CNTNAP2: variants seen among roughly 807,000 people sequenced by gnomAD.
The protein encoded by CNTNAP2 is contactin associated protein 2.
Under a neutral mutation model 155.2 loss-of-function variants are expected in CNTNAP2, and 98 were observed. The ratio of observed to expected loss-of-function variants is 0.63; its 90% confidence interval spans 0.54 to 0.75. CNTNAP2 has a LOEUF of 0.75. Among genes scored for constraint, CNTNAP2 ranks in the 30% least tolerant of loss-of-function variants. The pLI, the probability that CNTNAP2 is intolerant of heterozygous loss-of-function variation, is 0.00. For synonymous variants in CNTNAP2, 651 were observed against 631.2 expected, an observed-to-expected ratio of 1.03 and a Z score of -0.47; for missense variants, 1,727 against 1,688.1, an observed-to-expected ratio of 1.02 and a Z score of -0.40.
At position 147,585,500 on chromosome 7, in the gene CNTNAP2, C is replaced by T. The variant is rs1023310164; in HGVS notation, c.1897+23243C>T. ...ATTATCTCATTATAGATATATAGAT[C>T]TATTAATATATAGATAGATGATATA... is the stretch of plus-strand genomic sequence containing the variant. On this transcript the variant is annotated intron_variant, in intron 12 of 23. Transcript: ENST00000361727. Among the ~76,000 whole-genome samples, 5 of 149,026 alleles carry T rather than the reference C, an allele frequency of 3.4e-5. No individual in the cohort carries two copies. In the South Asian group the frequency reaches 8.4e-4, roughly 25 times the overall value.
rs528213327 is a variant in CNTNAP2, at chr7:147,264,073, C to T, written c.1349-36068C>T. Among the ~76,000 whole-genome samples the T allele has an allele frequency of 5.3e-5, 8 of 152,190 alleles. No individual in the cohort carries two copies. In the South Asian group the frequency reaches 1.5e-3, roughly 28 times the overall value. On this transcript the variant is annotated intron_variant, in intron 8 of 23. Transcript: ENST00000361727. The stretch of plus-strand genomic sequence containing the variant: ...GCAATGTGTTTGCTTTATTTGACTG[C>T]TATTTATATGACAGTGACAAACAGA...
intron 12 of CNTNAP2, among the ~76,000 whole-genome samples, chr7:147,626,617 T>C (rs963317825): frequency 6.6e-6 from 1 of 152,158 alleles, no homozygotes; most frequent in African/African-American, 2.4e-5. Context: ...ACTGAAATAC[T>C]TACCCTGGCC....
chr7:148,352,913 A>G (rs1212431001), intron 21 of CNTNAP2, among the ~76,000 whole-genome samples: 1 of 152,086 alleles, frequency 6.6e-6, no homozygotes, highest in Non-Finnish European at 1.5e-5. Flanking sequence ...CCTTTCCCCA[A>G]AGTCCCCTGG....
intron 1 of CNTNAP2, among the ~76,000 whole-genome samples, chr7:146,537,409 T>C (rs1017148678): frequency 2.0e-5 from 3 of 152,150 alleles, no homozygotes; most frequent in African/African-American, 7.2e-5. Context: ...AACATCCTTA[T>C]TTACTTACTA....
At chr7:147,327,463 G>T (rs1048018407) in intron 9 of CNTNAP2, among the ~76,000 whole-genome samples, 2 of 152,092 alleles carry the variant, frequency 1.3e-5, no homozygotes, top group Non-Finnish European at 2.9e-5. Context: ...ATTAAGAAAA[G>T]GTTAAATTGC....
At chr7:146,413,823 T>C (rs1256519079) in intron 1 of CNTNAP2, among the ~76,000 whole-genome samples, 3 of 152,230 alleles carry the variant, frequency 2.0e-5, no homozygotes, top group Non-Finnish European at 4.4e-5. Flanking sequence ...ACTTTTTACC[T>C]ATATTTTTCT....
At chr7:146,518,864 T>G (rs1052816020) in intron 1 of CNTNAP2, among the ~76,000 whole-genome samples, 1 of 151,888 alleles carries the variant, frequency 6.6e-6, no homozygotes, top group Non-Finnish European at 1.5e-5. Flanking sequence ...CTTTAAAATC[T>G]AGTTGGGAAG....
chr7:146,763,147 C>T lies in CNTNAP2; in HGVS notation c.98-11124C>T, dbSNP rs376895984. ...TTCTGCAGTCTCTCTGGCCACTTTC[C>T]GTCCTGTTTACCTCATGCTTCTGCT... On this transcript the variant is annotated intron_variant, in intron 1 of 23. Coordinates refer to ENST00000361727, the MANE Select transcript of CNTNAP2 (RefSeq NM_014141.6). Among the ~76,000 whole-genome samples the T allele has an allele frequency of 1.1e-3, 161 of 152,238 alleles. 3 individuals carry two copies. The highest frequency in any genetic ancestry group is 3.4e-3 in the Middle Eastern group (1 of 292).
At chr7:146,396,618 A>G (rs1563068775) in intron 1 of CNTNAP2, among the ~76,000 whole-genome samples, 1 of 151,846 alleles carries the variant, frequency 6.6e-6, no homozygotes, top group Non-Finnish European at 1.5e-5. Flanking sequence ...GCAGAATTAA[A>G]AGTCGCATTA....
intron 1 of CNTNAP2, among the ~76,000 whole-genome samples, chr7:146,729,888 G>A (rs1360752703): frequency 6.6e-6 from 1 of 152,168 alleles, no homozygotes; most frequent in Non-Finnish European, 1.5e-5. Context: ...TTTAAAAGGT[G>A]AGGGACAGTA....
chr7:147,371,425 A>G (rs1796336121), intron 9 of CNTNAP2, among the ~76,000 whole-genome samples: 1 of 152,186 alleles, frequency 6.6e-6, no homozygotes, highest in African/African-American at 2.4e-5. Context: ...AGCCTAGTGA[A>G]TAATAAAAAA....
At chr7:148,316,074 GGGAAAAAAAATAGAT>G (rs1311468094) in intron 21 of CNTNAP2, among the ~76,000 whole-genome samples, 6 of 151,926 alleles carry the variant, frequency 3.9e-5, no homozygotes, top group Non-Finnish European at 1.5e-5. Flanking sequence ...AAAAGATAGA[GGGAAAAAAAATAGAT>G]GGCAAGAACA....
intron 8 of CNTNAP2, chr7:147,146,522 T>C (rs1801706535): frequency 6.5e-6 from 1 of 152,692 alleles, no homozygotes; most frequent in Admixed American, 6.5e-5. Flanking sequence ...AACTCCTTGT[T>C]CTGGCTTGGA....
chr7:147,210,299 A>C (rs1584794717), intron 8 of CNTNAP2, among the ~76,000 whole-genome samples: 1 of 151,998 alleles, frequency 6.6e-6, no homozygotes, highest in African/African-American at 2.4e-5. Flanking sequence ...TAAGGGTTTC[A>C]GTTCCTTCCT....
intron 1 of CNTNAP2, among the ~76,000 whole-genome samples, chr7:146,370,410 C>T (rs1468898504): frequency 1.3e-5 from 2 of 151,684 alleles, no homozygotes; most frequent in Non-Finnish European, 2.9e-5. Context: ...TGCACTCCAG[C>T]CTGGGGGACA....
At chr7:146,992,236 A>T (rs1798221335) in intron 3 of CNTNAP2, among the ~76,000 whole-genome samples, 1 of 152,202 alleles carries the variant, frequency 6.6e-6, no homozygotes, top group South Asian at 2.1e-4. Context: ...TTTTAAAAAA[A>T]ATCTTAGAGT....
chr7:147,426,898 C>A (rs1203243385), intron 10 of CNTNAP2, among the ~76,000 whole-genome samples: 1 of 152,086 alleles, frequency 6.6e-6, no homozygotes, highest in East Asian at 1.9e-4. Flanking sequence ...AAAATCATCA[C>A]AAATAGATGT....
intron 8 of CNTNAP2, among the ~76,000 whole-genome samples, chr7:147,280,497 A>G (rs1237361102): frequency 1.3e-5 from 2 of 151,908 alleles, no homozygotes; most frequent in African/African-American, 2.4e-5. Context: ...AATGATGTTC[A>G]GCTTAGGGTT....
At chr7:147,502,741 G>GTGTGTA (rs1491222754) in intron 11 of CNTNAP2, among the ~76,000 whole-genome samples, 3 of 99,956 alleles carry the variant, frequency 3.0e-5, no homozygotes, top group South Asian at 3.1e-4. Context: ...GTGTGTGTGT[G>GTGTGTA]TATATATATA....
Sources: allele counts gnomAD v4.1 joint callset (sites outside exome capture counted in the v4.1 genomes callset), GRCh38; gene constraint gnomAD v4.1.1; transcripts MANE v1.5; gene names NCBI Gene and HGNC (gene_info 2026-07-23, HGNC 2026-07-21).